Variants in RLIG1 observed in about 807,000 individuals in gnomAD.
RLIG1 encodes RNA 5'-phosphate and 3'-OH ligase 1.
chr12:88,045,820 A>G, the RLIG1 span: 1 of 1,495,196 alleles, frequency 6.7e-7, no homozygotes, highest in Non-Finnish European at 9.2e-7. Context: ...TGTAACTGAC[A>G]TTTATAAAGA....
the RLIG1 span, chr12:88,049,291 CCTTCT>C: frequency 6.2e-6 from 10 of 1,605,522 alleles, no homozygotes; most frequent in Middle Eastern, 1.9e-4. Flanking sequence ...AGTTTTTTTA[CCTTCT>C]CTTCTAAGAG....
the RLIG1 span, chr12:88,048,143 A>ATTAGAAT: frequency 1.1e-6 from 1 of 951,552 alleles, no homozygotes; most frequent in Non-Finnish European, 1.5e-6. Flanking sequence ...AGTCTTACCC[A>ATTAGAAT]GTACCTGGCA....
chr12:88,045,537 A>G, the RLIG1 span: 1 of 1,450,184 alleles, frequency 6.9e-7, no homozygotes, highest in African/African-American at 1.4e-5. Flanking sequence ...GTCAGTCCAA[A>G]GAAAAACGAT....
At chr12:88,046,612 G>A in the RLIG1 span, among the ~76,000 whole-genome samples, 1 of 152,288 alleles carries the variant, frequency 6.6e-6, no homozygotes, top group African/African-American at 2.4e-5. Context: ...CCGTGGTGGA[G>A]AGTACACCAA....
the RLIG1 span, chr12:88,045,384 A>G: frequency 7.4e-6 from 4 of 540,606 alleles, no homozygotes; most frequent in African/African-American, 3.8e-5. Flanking sequence ...GGTTAATTCT[A>G]CAGAATAAAA....
the RLIG1 span, among the ~76,000 whole-genome samples, chr12:88,038,101 GA>G: frequency 6.6e-6 from 1 of 151,950 alleles, no homozygotes; most frequent in Non-Finnish European, 1.5e-5. Flanking sequence ...GGAAAAACAT[GA>G]AAAAAACAAA....
chr12:88,035,585 C>A, the RLIG1 span: 2 of 1,521,592 alleles, frequency 1.3e-6, no homozygotes, highest in East Asian at 2.4e-5. Flanking sequence ...CAGGGCTTCT[C>A]CGCGACTGGA....
chr12:88,047,411 C>T, the RLIG1 span, among the ~76,000 whole-genome samples: 1 of 152,118 alleles, frequency 6.6e-6, no homozygotes, highest in Admixed American at 6.6e-5. Flanking sequence ...TGATTTCTCA[C>T]AGGTACCTGA....
chr12:88,036,181 CAGT>C, the RLIG1 span: 3 of 860,802 alleles, frequency 3.5e-6, no homozygotes, highest in Non-Finnish European at 4.9e-6. Flanking sequence ...GCGGTGTTGA[CAGT>C]AGCCTAATTA....
At chr12:88,046,501 A>G in the RLIG1 span, among the ~76,000 whole-genome samples, 2 of 152,208 alleles carry the variant, frequency 1.3e-5, no homozygotes, top group Middle Eastern at 3.4e-3. Flanking sequence ...GAAAGGAGCT[A>G]CAGACAGTAC....
the RLIG1 span, among the ~76,000 whole-genome samples, chr12:88,036,682 C>T: frequency 6.6e-6 from 1 of 152,196 alleles, no homozygotes; most frequent in Non-Finnish European, 1.5e-5. Flanking sequence ...TCTTTTCCTG[C>T]TTTCTAGTGC....
chr12:88,048,731 A>ATAGTT, the RLIG1 span: 2,209 of 215,236 alleles, frequency 0.01, 21 homozygotes, highest in Middle Eastern at 0.016. Context: ...TCAAAATTAA[A>ATAGTT]TAGTTTAAGC....
the RLIG1 span, chr12:88,049,365 A>T: frequency 6.4e-7 from 1 of 1,565,034 alleles, no homozygotes; most frequent in Non-Finnish European, 8.7e-7. Flanking sequence ...TTCTTCAAAA[A>T]ATGAAGGATC....
At chr12:88,045,385 C>A in the RLIG1 span, 1 of 540,212 alleles carries the variant, frequency 1.9e-6, no homozygotes, top group Non-Finnish European at 3.3e-6. Flanking sequence ...GTTAATTCTA[C>A]AGAATAAAAA....
chr12:88,046,078 G>A, the RLIG1 span, among the ~76,000 whole-genome samples: 1 of 152,024 alleles, frequency 6.6e-6, no homozygotes, highest in Non-Finnish European at 1.5e-5. Context: ...GAGTTGAGTC[G>A]ATTGATGAAA....
At chr12:88,043,944 C>T in the RLIG1 span, 1 of 517,744 alleles carries the variant, frequency 1.9e-6, no homozygotes, top group African/African-American at 2.0e-5. Context: ...GCATTTTTTA[C>T]TAGCTGTAGT....
At chr12:88,037,113 C>T in the RLIG1 span, among the ~76,000 whole-genome samples, 1 of 152,136 alleles carries the variant, frequency 6.6e-6, no homozygotes, top group African/African-American at 2.4e-5. Flanking sequence ...AAAGTGGATT[C>T]TGTTTTAACC....
the RLIG1 span, chr12:88,049,207 G>GACTT: frequency 6.3e-7 from 1 of 1,597,154 alleles, no homozygotes; most frequent in South Asian, 1.2e-5. Context: ...AAATTAACAG[G>GACTT]ACTTTCTTCT....
At chr12:88,040,122 C>T in the RLIG1 span, 5 of 1,339,496 alleles carry the variant, frequency 3.7e-6, no homozygotes, top group Non-Finnish European at 4.3e-6. Flanking sequence ...TATCTTAAAC[C>T]GGTTTTCTCT....
Sources: gnomAD v4.1 joint callset for allele counts (sites outside exome capture counted in the v4.1 genomes callset) on GRCh38, gnomAD v4.1.1 for gene constraint, MANE v1.5 for transcripts, NCBI Gene and HGNC (gene_info 2026-07-23, HGNC 2026-07-21) for gene names.